NBEA: variants seen among roughly 807,000 people sequenced by gnomAD.
NBEA encodes the protein neurobeachin.
Under a neutral mutation model 343.4 loss-of-function variants are expected in NBEA, and 44 were observed. The ratio of observed to expected loss-of-function variants is 0.13; its 90% confidence interval spans 0.10 to 0.16. NBEA has a LOEUF of 0.16. Among genes scored for constraint, NBEA ranks in the 10% least tolerant of loss-of-function variants. The pLI, the probability that NBEA is intolerant of heterozygous loss-of-function variation, is 1.00. For missense variants in NBEA, 2,555 were observed against 3,631.3 expected (o/e 0.70, Z 7.62); for synonymous variants, 1,175 against 1,238.7 (o/e 0.95, Z 1.08).
intron 1 of NBEA, among the ~76,000 whole-genome samples, chr13:34,963,691 T>C (rs948962769): frequency 6.6e-6 from 1 of 151,206 alleles, no homozygotes; most frequent in Non-Finnish European, 1.5e-5. Flanking sequence ...TTTTCCATGC[T>C]TCTACTCTTT....
intron 44 of NBEA, among the ~76,000 whole-genome samples, chr13:35,563,815 C>T (rs906052165): frequency 8.6e-5 from 13 of 151,116 alleles, no homozygotes; most frequent in Non-Finnish European, 1.5e-4. Flanking sequence ...TTTGTGTATA[C>T]GTGTGTGTGT....
At chr13:35,389,873 G>A (rs536067771) in intron 38 of NBEA, among the ~76,000 whole-genome samples, 4 of 151,170 alleles carry the variant, frequency 2.6e-5, no homozygotes, top group African/African-American at 7.3e-5. Flanking sequence ...TTCTCTCTTA[G>A]TTCCCTCACT....
intron 11 of NBEA, among the ~76,000 whole-genome samples, chr13:35,107,161 A>G (rs2065960350): frequency 6.6e-6 from 1 of 151,978 alleles, no homozygotes; most frequent in Non-Finnish European, 1.5e-5. Context: ...GTGATCTCTT[A>G]TTTTAATTTC....
rs911105094 is a variant in NBEA, at chr13:35,510,213, A to G, written c.6585+37677A>G. ...CAATCCATGGAACTTGTGTGTTTCC[A>G]TGGCCTATATTACAAATCAAGAAAA... is the stretch of plus-strand genomic sequence containing the variant. On this transcript the variant is annotated intron_variant, in intron 41 of 58. Transcript: ENST00000379939. Among the ~76,000 whole-genome samples, 5 of 152,174 alleles carry G rather than the reference A, an allele frequency of 3.3e-5. No individual in the cohort carries two copies. In the South Asian group the frequency reaches 6.2e-4, roughly 19 times the overall value.
At chr13:35,166,703 T>C (rs1162811009) in intron 24 of NBEA, among the ~76,000 whole-genome samples, 1 of 152,130 alleles carries the variant, frequency 6.6e-6, no homozygotes, top group Non-Finnish European at 1.5e-5. Context: ...GACTGCTGAA[T>C]GTTGTTTTTC....
At chr13:34,981,823 A>G in intron 1 of NBEA, among the ~76,000 whole-genome samples, 1 of 150,876 alleles carries the variant, frequency 6.6e-6, no homozygotes, top group Non-Finnish European at 1.5e-5. Flanking sequence ...TTTGCAAGGG[A>G]TTTATTTGTG....
intron 26 of NBEA, among the ~76,000 whole-genome samples, chr13:35,172,210 A>G (rs1365764345): frequency 1.3e-5 from 2 of 152,066 alleles, no homozygotes; most frequent in African/African-American, 4.8e-5. Flanking sequence ...TTCTGATTCA[A>G]GAAAGGAACA....
intron 27 of NBEA, among the ~76,000 whole-genome samples, chr13:35,176,756 C>T (rs1380996475): frequency 6.6e-6 from 1 of 151,880 alleles, no homozygotes; most frequent in Non-Finnish European, 1.5e-5. Context: ...TATAACTTTA[C>T]CTGCCTTTAT....
At chr13:35,575,135 A>G (rs1164958437) in intron 45 of NBEA, among the ~76,000 whole-genome samples, 1 of 152,226 alleles carries the variant, frequency 6.6e-6, no homozygotes, top group African/African-American at 2.4e-5. Context: ...AACTATAAAA[A>G]GAAACACATT....
intron 38 of NBEA, among the ~76,000 whole-genome samples, chr13:35,396,803 C>T (rs548072881): frequency 3.9e-5 from 6 of 152,180 alleles, no homozygotes; most frequent in African/African-American, 1.4e-4. Flanking sequence ...CTCCTCCAAA[C>T]CGGAAGTAGA....
chr13:35,546,969 G>A (rs937300174), intron 41 of NBEA, among the ~76,000 whole-genome samples: 2 of 152,076 alleles, frequency 1.3e-5, no homozygotes, highest in African/African-American at 2.4e-5. Flanking sequence ...AAAGCAGGAG[G>A]TGGTTTGCTA....
intron 34 of NBEA, among the ~76,000 whole-genome samples, chr13:35,259,086 C>T (rs1194761408): frequency 6.6e-6 from 1 of 152,184 alleles, no homozygotes; most frequent in Non-Finnish European, 1.5e-5. Context: ...TTTGTGGTTC[C>T]TTTCCATGCT....
At chr13:34,957,379 G>A (rs996184372) in intron 1 of NBEA, among the ~76,000 whole-genome samples, 1 of 152,076 alleles carries the variant, frequency 6.6e-6, no homozygotes, top group Non-Finnish European at 1.5e-5. Context: ...GAAAGACCAC[G>A]AACACTCACA....
intron 1 of NBEA, among the ~76,000 whole-genome samples, chr13:35,036,769 A>T (rs1236301450): frequency 6.6e-6 from 1 of 152,168 alleles, no homozygotes; most frequent in East Asian, 1.9e-4. Flanking sequence ...CTGCTGCCAG[A>T]TGTATTGGAG....
At chr13:35,041,505 T>C (rs2062648287) in intron 2 of NBEA, among the ~76,000 whole-genome samples, 1 of 152,028 alleles carries the variant, frequency 6.6e-6, no homozygotes, top group African/African-American at 2.4e-5. Flanking sequence ...CAATAGGTAT[T>C]ACAGTTCTGT....
chr13:35,442,608 ATAT>A (rs1376050436), intron 39 of NBEA, among the ~76,000 whole-genome samples: 2 of 152,172 alleles, frequency 1.3e-5, no homozygotes, highest in African/African-American at 4.8e-5. Flanking sequence ...AAATTCAATA[ATAT>A]TTTCTTGCAC....
intron 38 of NBEA, among the ~76,000 whole-genome samples, chr13:35,403,178 TA>T (rs1254347517): frequency 1.3e-5 from 2 of 151,554 alleles, no homozygotes; most frequent in Non-Finnish European, 3.0e-5. Flanking sequence ...AAATAATAAA[TA>T]AAAAATTAAT....
At chr13:35,234,161 A>G (rs1339470140) in intron 34 of NBEA, among the ~76,000 whole-genome samples, 3 of 152,110 alleles carry the variant, frequency 2.0e-5, no homozygotes, top group Non-Finnish European at 4.4e-5. Flanking sequence ...TTTGGCTTTA[A>G]CTAGTGTGTT....
chr13:35,437,722 A>G (rs1037283996), intron 39 of NBEA, among the ~76,000 whole-genome samples: 4 of 152,206 alleles, frequency 2.6e-5, no homozygotes, highest in African/African-American at 7.2e-5. Context: ...ATGGAACAGT[A>G]TAAGGAAAAT....
Sources: gnomAD v4.1 joint callset for allele counts (sites outside exome capture counted in the v4.1 genomes callset) on GRCh38, gnomAD v4.1.1 for gene constraint, MANE v1.5 for transcripts, NCBI Gene and HGNC (gene_info 2026-07-23, HGNC 2026-07-21) for gene names.